RAD54L2: variants seen among roughly 807,000 people sequenced by gnomAD.
RAD54L2 encodes RAD54 like 2, also known as helicase ARIP4.
Under a neutral mutation model 138.4 loss-of-function variants are expected in RAD54L2, and 27 were observed. That is an observed-to-expected ratio of 0.20 (90% CI 0.14 to 0.27). RAD54L2 has a LOEUF of 0.27. RAD54L2 is among the 10% of genes least tolerant of loss of function. The probability of loss-of-function intolerance (pLI) is 1.00; values close to 1 mark genes in which losing one functional copy is unlikely to be tolerated. For synonymous variants in RAD54L2, 644 were observed against 723.2 expected, an observed-to-expected ratio of 0.89 and a Z score of 1.76; for missense variants, 1,396 against 1,890.2, an observed-to-expected ratio of 0.74 and a Z score of 4.85.
Position 51,645,643 on chromosome 3 carries a change from G to A in RAD54L2, c.2709G>A (p.Val903=). 1 of 1,612,540 alleles carries A rather than the reference G, an allele frequency of 6.2e-7. No homozygotes were observed. Among genetic ancestry groups the A allele is most frequent in the Non-Finnish European group, 8.5e-7 (1 of 1,179,344 alleles). ...NPMLNFTRKE[V]ENLLHFVEKE... ...TGCTGAACTTCACACGGAAAGAGGT[G>A]GAAAACCTACTGCACTTTGTTGAGA... Residue 903 remains valine (V), a synonymous_variant, in exon 18 of 23, where the codon GTG becomes GTA. Transcript: ENST00000684192. This position sits in a 1 kb window ranked among gnomAD's most constrained non-coding sequence, Gnocchi z 6.1.
intron 4 of RAD54L2, among the ~76,000 whole-genome samples, chr3:51,628,996 G>A (rs550539221): frequency 6.6e-6 from 1 of 152,282 alleles, no homozygotes; most frequent in Non-Finnish European, 1.5e-5. Context: ...GATTACAGGC[G>A]TGAACCACCA....
intron 2 of RAD54L2, among the ~76,000 whole-genome samples, chr3:51,544,730 A>C (rs1553671896): frequency 1.3e-5 from 2 of 152,002 alleles, no homozygotes; most frequent in African/African-American, 4.8e-5. Flanking sequence ...CCTCAGCCTC[A>C]CAAGTAACTG....
chr3:51,656,030 C>T lies in RAD54L2; in HGVS notation c.3086C>T (p.Thr1029Ile), dbSNP rs1406534133. 3 of 1,613,952 alleles carry T rather than the reference C, an allele frequency of 1.9e-6. No individual in the cohort carries two copies. The highest frequency in any genetic ancestry group is 1.3e-5 in the African/African-American group (1 of 75,054). Residue 1029 changes from threonine (T) to isoleucine (I), a missense_variant, in exon 20 of 23, where the codon ACC (threonine) becomes ATC (isoleucine). Around this residue, in one of 7 missense-constraint regions of RAD54L2, gnomAD observed 634 missense variants for 711.2 expected, o/e 0.89. Coordinates refer to ENST00000684192, the MANE Select transcript of RAD54L2 (RefSeq NM_015106.4). ...PVASVRPVQS[T>I]PIPMMPRHVP... ...GCCAGTGTTCGTCCTGTGCAGTCCA[C>T]CCCCATCCCCATGATGCCCCGGCAT...
rs1309923230 is a variant in RAD54L2, at chr3:51,668,245, C to T, written c.*4825C>T. On this transcript the variant is annotated 3_prime_UTR_variant, in exon 23 of 23. Coordinates refer to ENST00000684192, the MANE Select transcript of RAD54L2 (RefSeq NM_015106.4). ...TCCCTTGTACCATCTTCAGAGAGGT[C>T]AGGGGAAGAGGGTCCAGGTGGGTTA... 6.6e-6 allele frequency: 1 copy of T among 152,206 alleles called. No individual in the cohort carries two copies. The highest frequency in any genetic ancestry group is 1.9e-4 in the East Asian group (1 of 5,202). 9.4% of individuals were successfully genotyped at this position (152,206 alleles called of 1,614,324 possible).
intron 3 of RAD54L2, among the ~76,000 whole-genome samples, chr3:51,606,083 C>G (rs779470310): frequency 6.6e-6 from 1 of 152,154 alleles, no homozygotes; most frequent in Non-Finnish European, 1.5e-5. Flanking sequence ...GACCATCGAG[C>G]AGAAGCTGTG....
chr3:51,623,252 G>A lies in RAD54L2; in HGVS notation c.140-4301G>A, dbSNP rs112997312. Among the ~76,000 whole-genome samples, 775 of 152,294 alleles carry A rather than the reference G, an allele frequency of 5.1e-3. 5 individuals are homozygous for A. The highest frequency in any genetic ancestry group is 0.017 in the African/African-American group (722 of 41,566). ...ATTTTGTGACAACAAGATGCAGTTT[G>A]CACATGTCATTTCTGCTTCCCCCTT... On this transcript the variant is annotated intron_variant, in intron 3 of 22. Transcript: ENST00000684192.
intron 2 of RAD54L2, among the ~76,000 whole-genome samples, chr3:51,575,996 ACT>A (rs1365745968): frequency 6.6e-6 from 1 of 151,620 alleles, no homozygotes; most frequent in East Asian, 1.9e-4. Context: ...GTCATAAATA[ACT>A]CTTATTATTT....
intron 3 of RAD54L2, among the ~76,000 whole-genome samples, chr3:51,625,086 A>G (rs747989777): frequency 6.6e-5 from 10 of 152,076 alleles, no homozygotes; most frequent in Non-Finnish European, 1.2e-4. Flanking sequence ...TCTTACCCCA[A>G]AGACACTTGA....
At chr3:51,646,526 A>G in intron 19 of RAD54L2, 45 bp downstream of exon 19, 1 of 1,477,576 alleles carries the variant, frequency 6.8e-7, no homozygotes, top group Non-Finnish European at 9.2e-7. Context: ...CCAGGCACAA[A>G]CACCTTTCAA....
chr3:51,586,241 C>A (rs1168837118), intron 2 of RAD54L2, among the ~76,000 whole-genome samples: 1 of 152,020 alleles, frequency 6.6e-6, no homozygotes, highest in Admixed American at 6.6e-5. Context: ...GCCTCAGTCT[C>A]CCAAGTAGCT....
intron 3 of RAD54L2, among the ~76,000 whole-genome samples, chr3:51,613,581 A>G (rs1422648263): frequency 6.6e-6 from 1 of 152,106 alleles, no homozygotes; most frequent in Non-Finnish European, 1.5e-5. Flanking sequence ...AGCCTGGCCA[A>G]CATGGTGAAA....
At chr3:51,583,566 T>C (rs1257458578) in intron 2 of RAD54L2, among the ~76,000 whole-genome samples, 1 of 151,160 alleles carries the variant, frequency 6.6e-6, no homozygotes, top group African/African-American at 2.4e-5. Flanking sequence ...ATTCCAGACA[T>C]GTGCCACCAC....
intron 3 of RAD54L2, among the ~76,000 whole-genome samples, chr3:51,608,380 C>A (rs956020810): frequency 6.7e-6 from 1 of 150,244 alleles, no homozygotes; most frequent in Non-Finnish European, 1.5e-5. Flanking sequence ...ACATCCCAGA[C>A]GATGGGCGGC....
At chr3:51,652,563 C>G (rs576784993) in intron 19 of RAD54L2, among the ~76,000 whole-genome samples, 4 of 152,304 alleles carry the variant, frequency 2.6e-5, no homozygotes, top group African/African-American at 9.6e-5. Flanking sequence ...CAGCATGGTA[C>G]TGGTACCAAA....
chr3:51,638,192 T>A lies in RAD54L2; in HGVS notation c.1731T>A (p.Asn577Lys). The A allele has an allele frequency of 6.2e-7, 1 of 1,613,782 alleles. No individual in the cohort carries two copies. The highest frequency in any genetic ancestry group is 8.5e-7 in the Non-Finnish European group (1 of 1,179,802). The change falls in exon 12 of 23, where the codon AAT becomes AAA. Residue 577 changes from asparagine to lysine, a missense_variant. Around this residue, in one of 7 missense-constraint regions of RAD54L2, gnomAD observed 211 missense variants for 273.8 expected, o/e 0.77. Transcript: ENST00000684192. This position sits in a 1 kb window ranked among gnomAD's most constrained non-coding sequence, Gnocchi z 4.3. ...TTCATCTCCCTGCCAAGGAAGAAAATGTGATCCTTGTGCGGCTCTCCAAGA... is the reference window on the plus strand; with the variant it reads ...TTCATCTCCCTGCCAAGGAAGAAAAAGTGATCCTTGTGCGGCTCTCCAAGA... ...LKIHLPAKEE[N>K]VILVRLSKIQ...
intron 19 of RAD54L2, among the ~76,000 whole-genome samples, chr3:51,651,392 T>C (rs1235604789): frequency 1.3e-5 from 2 of 152,174 alleles, no homozygotes; most frequent in African/African-American, 4.8e-5. Flanking sequence ...TCTGAAACTA[T>C]GCCAATCAAT....
chr3:51,561,732 T>A (rs1314000936), intron 2 of RAD54L2, among the ~76,000 whole-genome samples: 2 of 151,680 alleles, frequency 1.3e-5, no homozygotes, highest in African/African-American at 4.8e-5. Context: ...TGGCTAATTA[T>A]TTTATTTTAT....
chr3:51,625,692 C>T (rs1205548615), intron 3 of RAD54L2, among the ~76,000 whole-genome samples: 1 of 151,294 alleles, frequency 6.6e-6, no homozygotes, highest in Non-Finnish European at 1.5e-5. Flanking sequence ...GACCTTGTCT[C>T]TACAAAAAAG....
chr3:51,587,869 A>G (rs1699742268), intron 2 of RAD54L2, among the ~76,000 whole-genome samples: 3 of 152,140 alleles, frequency 2.0e-5, no homozygotes, highest in Non-Finnish European at 4.4e-5. Context: ...GAATTTGAGG[A>G]TGATCTGATT....
Sources: allele counts gnomAD v4.1 joint callset (sites outside exome capture counted in the v4.1 genomes callset), GRCh38; gene constraint gnomAD v4.1.1; regional missense constraint gnomAD v4.1.1; non-coding constraint Gnocchi (gnomAD v3.1); transcripts MANE v1.5; gene names NCBI Gene and HGNC (gene_info 2026-07-23, HGNC 2026-07-21).